The following SEMA3C variants were observed in gnomAD, a reference collection of about 807,000 sequenced individuals.
The protein encoded by SEMA3C is semaphorin-3C.
Under a neutral mutation model 89.4 loss-of-function variants are expected in SEMA3C, and 47 were observed. The ratio of observed to expected loss-of-function variants is 0.53; its 90% CI spans 0.42 to 0.67. The LOEUF (loss-of-function observed/expected upper bound fraction) is 0.67, where lower values mean the gene tolerates loss of function less well. Among genes scored for constraint, SEMA3C ranks in the 30% least tolerant of loss-of-function variants. SEMA3C has a pLI of 0.00. For missense variants in SEMA3C, 839 were observed against 929.1 expected, an observed-to-expected ratio of 0.90 and a Z score of 1.26; for synonymous variants, 310 against 320.2, an observed-to-expected ratio of 0.97 and a Z score of 0.34.
At chr7:80,823,433 T>C (rs986182378) in intron 4 of SEMA3C, among the ~76,000 whole-genome samples, 2 of 152,162 alleles carry the variant, frequency 1.3e-5, no homozygotes, top group African/African-American at 2.4e-5. Context: ...ATTGAAAATA[T>C]ATTACTTTTA....
chr7:80,914,346 T>C (rs1792221825), intron 2 of SEMA3C, among the ~76,000 whole-genome samples: 1 of 151,320 alleles, frequency 6.6e-6, no homozygotes, highest in African/African-American at 2.4e-5. Context: ...GAGTCATCAT[T>C]TGACTAATGA....
At chr7:80,818,067 C>T (rs1789651929) in intron 5 of SEMA3C, among the ~76,000 whole-genome samples, 1 of 151,756 alleles carries the variant, frequency 6.6e-6, no homozygotes, top group Non-Finnish European at 1.5e-5. Flanking sequence ...TACACACACA[C>T]ACACACACAC....
chr7:80,747,375 T>C (rs1787826200), intron 17 of SEMA3C, among the ~76,000 whole-genome samples: 1 of 152,114 alleles, frequency 6.6e-6, no homozygotes, highest in African/African-American at 2.4e-5. Context: ...GATGTTATAT[T>C]CACTTATATA....
At chr7:80,800,644 T>G (rs895229676) in intron 10 of SEMA3C, 113 bp downstream of exon 10, 4 of 656,992 alleles carry the variant, frequency 6.1e-6, no homozygotes, top group Non-Finnish European at 7.7e-6. Context: ...AAGGATTACA[T>G]CCCAAATGAC....
intron 12 of SEMA3C, among the ~76,000 whole-genome samples, chr7:80,775,848 G>A (rs1178519882): frequency 7.9e-5 from 12 of 151,916 alleles, no homozygotes; most frequent in Non-Finnish European, 1.2e-4. Context: ...TTTCAAATAA[G>A]GGAATATAAA....
intron 2 of SEMA3C, among the ~76,000 whole-genome samples, chr7:80,863,831 T>TATATATATATA (rs1347190736): frequency 8.7e-6 from 1 of 115,558 alleles, no homozygotes; most frequent in African/African-American, 4.3e-5. Context: ...ATGTGATATG[T>TATATATATATA]GATATATATA....
At chr7:80,871,589 C>T (rs180752909) in intron 2 of SEMA3C, among the ~76,000 whole-genome samples, 8 of 152,104 alleles carry the variant, frequency 5.3e-5, no homozygotes, top group Non-Finnish European at 1.0e-4. Flanking sequence ...CAGACCTTGG[C>T]GATCACCTTG....
At chr7:80,837,749 A>C (rs886537892) in intron 2 of SEMA3C, among the ~76,000 whole-genome samples, 2 of 152,190 alleles carry the variant, frequency 1.3e-5, no homozygotes, top group African/African-American at 4.8e-5. Context: ...GTCTCATAAA[A>C]GCTTTCTCGA....
intron 4 of SEMA3C, among the ~76,000 whole-genome samples, chr7:80,819,962 TAAAG>T (rs968210653): frequency 4.6e-5 from 7 of 151,662 alleles, no homozygotes; most frequent in African/African-American, 9.7e-5. Context: ...TAAAAAACTA[TAAAG>T]AAAGACATCA....
At chr7:80,885,256 C>T (rs1030634146) in intron 2 of SEMA3C, among the ~76,000 whole-genome samples, 1 of 152,124 alleles carries the variant, frequency 6.6e-6, no homozygotes, top group Non-Finnish European at 1.5e-5. Flanking sequence ...GAAGATAGCT[C>T]TTCTCTACAT....
intron 2 of SEMA3C, among the ~76,000 whole-genome samples, chr7:80,874,613 T>G (rs1335470795): frequency 6.6e-6 from 1 of 151,886 alleles, no homozygotes; most frequent in African/African-American, 2.4e-5. Flanking sequence ...ATTACAGGTG[T>G]CCACCACCAC....
intron 12 of SEMA3C, among the ~76,000 whole-genome samples, chr7:80,786,969 G>A (rs1004239105): frequency 6.6e-6 from 1 of 152,202 alleles, no homozygotes; most frequent in Non-Finnish European, 1.5e-5. Context: ...TTATCCAACA[G>A]TCAACTGTAC....
chr7:80,891,100 G>C (rs933190574), intron 2 of SEMA3C, among the ~76,000 whole-genome samples: 11 of 152,214 alleles, frequency 7.2e-5, no homozygotes, highest in African/African-American at 2.4e-4. Context: ...CTTAGTAATA[G>C]AGGACTTGCT....
chr7:80,759,448 C>T (rs1788136540), intron 14 of SEMA3C, among the ~76,000 whole-genome samples: 1 of 152,194 alleles, frequency 6.6e-6, no homozygotes, highest in Non-Finnish European at 1.5e-5. Flanking sequence ...AGATTCAAAT[C>T]TCAGCTCACC....
Position 80,864,357 on chromosome 7 carries a change from AACCAAATATC to A in SEMA3C, c.104-35622_104-35613del, listed in dbSNP as rs929562658. Among the ~76,000 whole-genome samples the A allele has an allele frequency of 1.6e-4, 24 of 152,222 alleles. No individual in the cohort carries two copies. In the East Asian group the frequency reaches 4.6e-3, roughly 29 times the overall value. ...TCACCACTAAAGAATTTACTCATAT[AACCAAATATC>A]ACCTGTACCGCAATAACTTATGAAA... On this transcript the variant is annotated intron_variant, in intron 2 of 17. Transcript: ENST00000265361.
rs150686340 is a variant in SEMA3C, at chr7:80,770,696, C to T, written c.1355-5453G>A. On this transcript the variant is annotated intron_variant, in intron 12 of 17. Transcript: ENST00000265361. Reference sequence around the variant, plus strand: ...GTTAAGGAATGGTTTACCTCTCTTCCGGCTCCAGGGAGGCCCACATGATGT... The same window carrying T: ...GTTAAGGAATGGTTTACCTCTCTTCTGGCTCCAGGGAGGCCCACATGATGT... Among the ~76,000 whole-genome samples the T allele has an allele frequency of 2.4e-3, 370 of 152,302 alleles. 5 individuals carry two copies. The highest frequency in any genetic ancestry group is 0.021 in the Admixed American group (316 of 15,294).
intron 17 of SEMA3C, among the ~76,000 whole-genome samples, chr7:80,747,580 C>T (rs1423842528): frequency 6.6e-6 from 1 of 152,090 alleles, no homozygotes; most frequent in East Asian, 1.9e-4. Flanking sequence ...TCTAATGCAG[C>T]TTGCTCTGCA....
intron 15 of SEMA3C, among the ~76,000 whole-genome samples, chr7:80,754,271 T>C (rs1788004846): frequency 6.6e-6 from 1 of 152,180 alleles, no homozygotes; most frequent in Admixed American, 6.5e-5. Context: ...ACGGAGACTA[T>C]TGAGCCAATG....
intron 14 of SEMA3C, among the ~76,000 whole-genome samples, chr7:80,761,286 T>C (rs1247243239): frequency 6.6e-6 from 1 of 152,182 alleles, no homozygotes; most frequent in African/African-American, 2.4e-5. Context: ...CCAAACTTTA[T>C]GCTAAATTCT....
Sources: gnomAD v4.1 joint callset for allele counts (sites outside exome capture counted in the v4.1 genomes callset) on GRCh38, gnomAD v4.1.1 for gene constraint, MANE v1.5 for transcripts, NCBI Gene and HGNC (gene_info 2026-07-23, HGNC 2026-07-21) for gene names.